Variants in SGIP1 observed in about 807,000 individuals in gnomAD.
The protein encoded by SGIP1 is SH3GL interacting endocytic adaptor 1.
In SGIP1, 38 loss-of-function variants were observed where a neutral mutation model predicts 107.5. The observed-to-expected ratio is 0.35, with a 90% CI of 0.27 to 0.46. The LOEUF (loss-of-function observed/expected upper bound fraction) is 0.46, where lower values mean the gene tolerates loss of function less well. Ranked by LOEUF, SGIP1 falls within the 20% of genes least tolerant of loss-of-function variation. The pLI, the probability that SGIP1 is intolerant of heterozygous loss-of-function variation, is 1.00. For missense variants in SGIP1, 929 were observed against 1,019.5 expected, an observed-to-expected ratio of 0.91 and a Z score of 1.21; for synonymous variants, 365 against 366.1, an observed-to-expected ratio of 1.00 and a Z score of 0.03.
At chr1:66,658,537 A>G (rs552069524) in intron 7 of SGIP1, among the ~76,000 whole-genome samples, 10 of 152,312 alleles carry the variant, frequency 6.6e-5, no homozygotes, top group African/African-American at 2.4e-4. Flanking sequence ...TTATATTTCA[A>G]AAGACACTGT....
At chr1:66,588,014 C>G (rs1324210406) in intron 1 of SGIP1, among the ~76,000 whole-genome samples, 1 of 152,112 alleles carries the variant, frequency 6.6e-6, no homozygotes, top group Admixed American at 6.6e-5. Context: ...GCAACAACAA[C>G]AAAATCATGG....
intron 1 of SGIP1, among the ~76,000 whole-genome samples, chr1:66,555,954 C>T (rs2058112961): frequency 6.6e-6 from 1 of 152,066 alleles, no homozygotes; most frequent in Non-Finnish European, 1.5e-5. Flanking sequence ...CATGGTTAAG[C>T]CAGGATTTGA....
intron 2 of SGIP1, among the ~76,000 whole-genome samples, chr1:66,626,918 T>G (rs898335700): frequency 4.3e-5 from 6 of 141,004 alleles, no homozygotes; most frequent in Non-Finnish European, 7.6e-5. Flanking sequence ...TTCTCACCTT[T>G]AGCTTTTCAT....
At chr1:66,546,583 A>G (rs913308432) in intron 1 of SGIP1, among the ~76,000 whole-genome samples, 2 of 152,162 alleles carry the variant, frequency 1.3e-5, no homozygotes, top group African/African-American at 4.8e-5. Flanking sequence ...TTATATATTG[A>G]GCAAGAATTG....
chr1:66,604,701 A>G (rs1370999696), intron 1 of SGIP1, among the ~76,000 whole-genome samples: 1 of 152,206 alleles, frequency 6.6e-6, no homozygotes, highest in East Asian at 1.9e-4. Flanking sequence ...ACCACTTTGT[A>G]AAAATGTGAG....
intron 7 of SGIP1, among the ~76,000 whole-genome samples, chr1:66,655,388 A>G (rs922148474): frequency 6.6e-6 from 1 of 151,990 alleles, no homozygotes; most frequent in Non-Finnish European, 1.5e-5. Flanking sequence ...AAAATCGCAA[A>G]ACCCTTTGCC....
intron 7 of SGIP1, among the ~76,000 whole-genome samples, chr1:66,649,297 A>C (rs2149553714): frequency 6.6e-6 from 1 of 152,298 alleles, no homozygotes; most frequent in Non-Finnish European, 1.5e-5. Flanking sequence ...TTAAACACAA[A>C]CAGAAACTTT....
chr1:66,692,985 G>A (rs11208948), intron 17 of SGIP1, among the ~76,000 whole-genome samples: 40,267 of 152,030 alleles, frequency 0.26, 5,589 homozygotes, highest in South Asian at 0.32. Context: ...AGACACCCTC[G>A]ATTGAAAAAT....
chr1:66,578,993 G>C (rs1290694684), intron 1 of SGIP1, among the ~76,000 whole-genome samples: 1 of 152,088 alleles, frequency 6.6e-6, no homozygotes, highest in Non-Finnish European at 1.5e-5. Context: ...AGAGAATTAG[G>C]GGGTATATCT....
At chr1:66,545,696 G>A (rs910263016) in intron 1 of SGIP1, among the ~76,000 whole-genome samples, 16 of 143,618 alleles carry the variant, frequency 1.1e-4, no homozygotes, top group South Asian at 2.3e-4. Context: ...AGAGAGAGAG[G>A]AATTTTTAAG....
At chr1:66,672,202 C>T (rs908699932) in intron 11 of SGIP1, among the ~76,000 whole-genome samples, 1 of 152,116 alleles carries the variant, frequency 6.6e-6, no homozygotes, top group African/African-American at 2.4e-5. Context: ...AATATTCTGC[C>T]CTTATCTGAA....
intron 1 of SGIP1, among the ~76,000 whole-genome samples, chr1:66,581,769 G>A (rs1475943837): frequency 2.6e-5 from 4 of 151,984 alleles, no homozygotes; most frequent in Non-Finnish European, 5.9e-5. Flanking sequence ...GTAATACATG[G>A]CATCAAATGT....
At chr1:66,690,375 A>C in intron 17 of SGIP1, 59 bp downstream of exon 17, 14 of 1,602,204 alleles carry the variant, frequency 8.7e-6, no homozygotes, top group Non-Finnish European at 8.5e-6. Flanking sequence ...ATTTTTTATG[A>C]TCTGAAATCC....
intron 2 of SGIP1, among the ~76,000 whole-genome samples, chr1:66,630,843 GA>G (rs371690313): frequency 5.2e-4 from 8 of 15,330 alleles, no homozygotes; most frequent in African/African-American, 2.9e-3. Context: ...AAGAAAGAAA[GA>G]AAGAAAGAAA....
At chr1:66,556,016 C>A (rs2058124483) in intron 1 of SGIP1, among the ~76,000 whole-genome samples, 2 of 152,138 alleles carry the variant, frequency 1.3e-5, no homozygotes, top group Admixed American at 1.3e-4. Flanking sequence ...TTCTATGTTA[C>A]CTCTCACATC....
chr1:66,706,486 TTA>T (rs1308405093), intron 18 of SGIP1, among the ~76,000 whole-genome samples: 1 of 147,846 alleles, frequency 6.8e-6, no homozygotes, highest in African/African-American at 2.4e-5. Context: ...TAATAAATAT[TTA>T]TGACAGTTGA....
chr1:66,568,111 C>T lies in SGIP1; in HGVS notation c.10+33743C>T, dbSNP rs374658424. On this transcript the variant is annotated intron_variant, in intron 1 of 24. Coordinates refer to ENST00000371037, the MANE Select transcript of SGIP1 (RefSeq NM_032291.4). Reference sequence around the variant, plus strand: ...ACTTTGGGTAGTATGGCCATTTTCACAATATTGATTCTTCCTATCCATGAG... The same window carrying T: ...ACTTTGGGTAGTATGGCCATTTTCATAATATTGATTCTTCCTATCCATGAG... Among the ~76,000 whole-genome samples, 136 of 152,152 alleles carry T rather than the reference C, an allele frequency of 8.9e-4. 1 individual carries two copies. Among genetic ancestry groups the T allele is most frequent in the Non-Finnish European group, 1.7e-3 (114 of 67,978 alleles).
At chr1:66,699,791 A>G (rs72669501) in intron 18 of SGIP1, among the ~76,000 whole-genome samples, 20,976 of 152,192 alleles carry the variant, frequency 0.14, 1,807 homozygotes, top group Middle Eastern at 0.19. Flanking sequence ...AAAAAGATAA[A>G]TAAGTAAAAT....
chr1:66,534,464 G>A, intron 1 of SGIP1, 96 bp downstream of exon 1: 1 of 1,411,782 alleles, frequency 7.1e-7, no homozygotes, highest in Non-Finnish European at 1.0e-6. Context: ...GGCGGTTCTA[G>A]AACCTGGTTG....
Sources: allele counts gnomAD v4.1 joint callset (sites outside exome capture counted in the v4.1 genomes callset), GRCh38; gene constraint gnomAD v4.1.1; transcripts MANE v1.5; gene names NCBI Gene and HGNC (gene_info 2026-07-23, HGNC 2026-07-21).